TAFA1: variants seen among roughly 807,000 people sequenced by gnomAD.
The protein encoded by TAFA1 is TAFA chemokine like family member 1, also known as chemokine-like protein TAFA-1.
TAFA1 carries 4 observed loss-of-function variants against 18.5 expected under a neutral mutation model. The observed-to-expected ratio is 0.22, with a 90% CI of 0.11 to 0.49. The LOEUF (loss-of-function observed/expected upper bound fraction) is 0.49, where lower values mean the gene tolerates loss of function less well. Among genes scored for constraint, TAFA1 ranks in the 20% least tolerant of loss-of-function variants. The pLI, the probability that TAFA1 is intolerant of heterozygous loss-of-function variation, is 0.98. For missense variants in TAFA1, 147 were observed against 169.0 expected (o/e 0.87, Z 0.72); for synonymous variants, 56 against 55.2 (o/e 1.01, Z -0.06).
intron 3 of TAFA1, among the ~76,000 whole-genome samples, chr3:68,523,407 A>G (rs75644296): frequency 0.026 from 3,976 of 152,286 alleles, 74 homozygotes; most frequent in Non-Finnish European, 0.042. Context: ...TAAGCTGCCA[A>G]CTTTTGACCT....
At chr3:68,118,027 T>A (rs1575625849) in intron 2 of TAFA1, among the ~76,000 whole-genome samples, 1 of 152,142 alleles carries the variant, frequency 6.6e-6, no homozygotes, top group East Asian at 1.9e-4. Context: ...TGAAAACAAT[T>A]TTTTTCATGG....
chr3:68,447,470 ATTCCCC>A (rs972497317), intron 3 of TAFA1, among the ~76,000 whole-genome samples: 3 of 152,178 alleles, frequency 2.0e-5, no homozygotes, highest in African/African-American at 7.2e-5. Flanking sequence ...GGATCCACTC[ATTCCCC>A]CAGTGAACTC....
intron 3 of TAFA1, among the ~76,000 whole-genome samples, chr3:68,535,185 CA>C (rs2073257283): frequency 1.3e-5 from 2 of 152,096 alleles, no homozygotes; most frequent in African/African-American, 4.8e-5. Context: ...TAAACACTGG[CA>C]AACCTTGATT....
chr3:68,487,876 G>A (rs2072376263), intron 3 of TAFA1, among the ~76,000 whole-genome samples: 2 of 149,582 alleles, frequency 1.3e-5, no homozygotes, highest in South Asian at 4.2e-4. Flanking sequence ...GAGTGTTGTA[G>A]ATGTTTTTGC....
intron 2 of TAFA1, among the ~76,000 whole-genome samples, chr3:68,384,814 G>T (rs140564900): frequency 2.8e-3 from 423 of 150,086 alleles, no homozygotes; most frequent in Non-Finnish European, 3.9e-3. Context: ...CTCTTCTAAG[G>T]TGTTCAAGAA....
At chr3:68,516,846 T>A (rs183177936) in intron 3 of TAFA1, among the ~76,000 whole-genome samples, 3 of 152,250 alleles carry the variant, frequency 2.0e-5, no homozygotes, top group Admixed American at 2.0e-4. Flanking sequence ...GCATCTCAGC[T>A]CTCTGCAACC....
At chr3:68,442,458 G>T (rs145362043) in intron 3 of TAFA1, among the ~76,000 whole-genome samples, 299 of 152,282 alleles carry the variant, frequency 2.0e-3, no homozygotes, top group Middle Eastern at 0.014. Flanking sequence ...ATGTGACTCA[G>T]TCATCTCTTG....
At chr3:68,214,243 A>G (rs1366521007) in intron 2 of TAFA1, among the ~76,000 whole-genome samples, 2 of 152,110 alleles carry the variant, frequency 1.3e-5, no homozygotes, top group Admixed American at 1.3e-4. Flanking sequence ...GTTATCATAG[A>G]ATTCAGGCAT....
intron 2 of TAFA1, among the ~76,000 whole-genome samples, chr3:68,091,500 T>C (rs761319418): frequency 2.0e-5 from 3 of 152,136 alleles, no homozygotes; most frequent in Non-Finnish European, 4.4e-5. Flanking sequence ...GTGCTTTGTT[T>C]CTTGGCACTG....
chr3:68,473,038 A>C (rs1365105166), intron 3 of TAFA1, among the ~76,000 whole-genome samples: 2 of 152,186 alleles, frequency 1.3e-5, no homozygotes, highest in Non-Finnish European at 2.9e-5. Flanking sequence ...AATTGCCAAC[A>C]AGTTGGAGTC....
intron 2 of TAFA1, among the ~76,000 whole-genome samples, chr3:68,264,167 G>C (rs1170686751): frequency 2.0e-5 from 3 of 152,118 alleles, no homozygotes; most frequent in African/African-American, 7.2e-5. Flanking sequence ...CGATTCGGGA[G>C]GCTGAGGCTT....
rs1444151609 is a variant in TAFA1 at position 68,229,154 on chromosome 3, A to T, written c.119-188126A>T. Among the ~76,000 whole-genome samples, 3 of 152,222 alleles carry T rather than the reference A, an allele frequency of 2.0e-5. No homozygotes were observed. In the South Asian group the frequency reaches 6.2e-4, roughly 31 times the overall value. ...TGAACCAGATAGGCACAATAGTCTT[A>T]GCAGCATTTTGTGTTGGAGTAGATT... On this transcript the variant is annotated intron_variant, in intron 2 of 4. Coordinates refer to ENST00000478136, the MANE Select transcript of TAFA1 (RefSeq NM_213609.4).
chr3:68,274,941 A>G (rs1374900437), intron 2 of TAFA1, among the ~76,000 whole-genome samples: 1 of 152,116 alleles, frequency 6.6e-6, no homozygotes, highest in Non-Finnish European at 1.5e-5. Flanking sequence ...CATAGACCAT[A>G]TACAATTTGC....
chr3:68,021,782 A>G (rs1704695996), intron 2 of TAFA1, among the ~76,000 whole-genome samples: 1 of 152,180 alleles, frequency 6.6e-6, no homozygotes, highest in Admixed American at 6.5e-5. Context: ...GTGAGAGAGT[A>G]GCCTATATAG....
intron 2 of TAFA1, among the ~76,000 whole-genome samples, chr3:68,389,987 C>T (rs1343481124): frequency 6.6e-6 from 1 of 152,052 alleles, no homozygotes; most frequent in Non-Finnish European, 1.5e-5. Context: ...CCCAGTGGTG[C>T]CTGGAATGCC....
At chr3:68,377,075 T>C (rs1267320937) in intron 2 of TAFA1, among the ~76,000 whole-genome samples, 1 of 152,218 alleles carries the variant, frequency 6.6e-6, no homozygotes, top group Non-Finnish European at 1.5e-5. Context: ...TAAACATCTT[T>C]TCTTGCTGAA....
chr3:68,258,366 A>G (rs1260227511), intron 2 of TAFA1, among the ~76,000 whole-genome samples: 2 of 152,202 alleles, frequency 1.3e-5, no homozygotes, highest in Non-Finnish European at 2.9e-5. Flanking sequence ...ATTCAAGTTG[A>G]TGTAATATAT....
At chr3:68,439,412 C>CATACATATATATCTATAT (rs1264523262) in intron 3 of TAFA1, among the ~76,000 whole-genome samples, 1 of 73,462 alleles carries the variant, frequency 1.4e-5, no homozygotes, top group African/African-American at 7.1e-5. Context: ...TATATACATA[C>CATACATATATATCTATAT]ATATATATAT....
At chr3:68,328,405 T>C (rs1321804261) in intron 2 of TAFA1, among the ~76,000 whole-genome samples, 1 of 152,200 alleles carries the variant, frequency 6.6e-6, no homozygotes. Context: ...TCCTATTTAG[T>C]TTCAGATTTG....
Sources: gnomAD v4.1 joint callset for allele counts (sites outside exome capture counted in the v4.1 genomes callset) on GRCh38, gnomAD v4.1.1 for gene constraint, MANE v1.5 for transcripts, NCBI Gene and HGNC (gene_info 2026-07-23, HGNC 2026-07-21) for gene names.